GNPDA1: variants seen among roughly 807,000 people sequenced by gnomAD.
The protein encoded by GNPDA1 is glucosamine-6-phosphate deaminase 1.
In GNPDA1, 24 loss-of-function variants were observed where a neutral mutation model predicts 28.5. That is an observed-to-expected ratio of 0.84 (90% CI 0.61 to 1.19). The LOEUF is 1.19. Ranked by LOEUF, GNPDA1 falls within the 50% of genes most tolerant of loss-of-function variation. The pLI, the probability that GNPDA1 is intolerant of heterozygous loss-of-function variation, is 0.00. For synonymous variants in GNPDA1, 147 were observed against 139.3 expected (o/e 1.06, Z -0.39); for missense variants, 264 against 367.3 (o/e 0.72, Z 2.30).
Position 142,002,054 on chromosome 5 carries a change from G to A in GNPDA1, c.845C>T (p.Ser282Phe). Residue 282 changes from serine to phenylalanine, a missense_variant, in exon 7 of 7, where the codon TCT (serine) becomes TTT (phenylalanine). Transcript: ENST00000311337. ...IKEKETEKSQ[S>F]SKKPYSD ...CTAATCGCTGTATGGTTTCTTCGAA[G>A]ATTGGCTTTTCTCAGTTTCTTTCTC... 1 of 1,595,730 alleles carries A rather than the reference G, an allele frequency of 6.3e-7. No individual in the cohort carries two copies.
Position 142,004,969 on chromosome 5 carries a change from A to C in GNPDA1, c.557T>G (p.Leu186Trp). 1 of 1,611,644 alleles carries C rather than the reference A, an allele frequency of 6.2e-7. No individual in the cohort carries two copies. The highest frequency in any genetic ancestry group is 8.5e-7 in the Non-Finnish European group (1 of 1,177,972). ...GELTKVPTMA[L>W]TVGVGTVMDA... is the part of the protein sequence containing the mutation. ...CATGACAGTGCCCACCCCCACCGTC[A>C]AGGCCATGGTGGGCACCTTGGTGAG... The change falls in exon 5 of 7, where the codon TTG becomes TGG. Residue 186 changes from leucine to tryptophan, a missense_variant. Leu to Trp is a moderately conservative substitution (Grantham distance 61). Transcript: ENST00000311337.
intron 2 of GNPDA1, among the ~76,000 whole-genome samples, chr5:142,011,234 CAAAA>C (rs35952167): frequency 4.3e-5 from 5 of 115,574 alleles, no homozygotes; most frequent in Middle Eastern, 4.9e-3. Flanking sequence ...CAAGGAAGAC[CAAAA>C]AAAAAAAAAA....
chr5:142,002,946 GT>G lies in GNPDA1; in HGVS notation c.769+141del, dbSNP rs1333616891. 7 of 639,662 alleles carry G rather than the reference GT, an allele frequency of 1.1e-5. No individual in the cohort carries two copies. The African/African-American group carries it at 1.3e-4, about 12-fold the overall frequency. The allele number at this position is 639,662 out of a possible 1,614,324, so 39.6% of individuals were successfully genotyped here. On this transcript the variant is annotated intron_variant, in intron 6 of 6. Transcript: ENST00000311337. ...TCACAGGCAGAAGAGAAATGACTGT[GT>G]AGTGTGATGCAGTTGGGTTTGATAT...
intron 1 of GNPDA1, 65 bp from the exon 2 acceptor site, chr5:142,012,106 G>A: frequency 6.7e-7 from 1 of 1,489,624 alleles, no homozygotes; most frequent in South Asian, 1.2e-5. Flanking sequence ...AGAGATGGAG[G>A]TGGTGGGAGA....
rs535633678 is a variant in GNPDA1 at position 142,004,279 on chromosome 5, A to G, written c.594+653T>C. Among the ~76,000 whole-genome samples the G allele has an allele frequency of 5.9e-5, 9 of 152,336 alleles. No individual in the cohort carries two copies. The South Asian group carries it at 1.9e-3, about 32-fold the overall frequency. On this transcript the variant is annotated intron_variant, in intron 5 of 6. Coordinates refer to ENST00000311337, the MANE Select transcript of GNPDA1 (RefSeq NM_005471.5). ...CACAAAAGTTCACTTTAAACAGGGA[A>G]GTTTTCACTGATTTAGATGCTTGTT...
chr5:142,001,746 T>G lies in GNPDA1; in HGVS notation c.*283A>C, dbSNP rs1353256176. Reference sequence around the variant, plus strand: ...GTGTGTCATATGTGTGAACCATGGCTGAAGCAGAACAAAAAGTTTAAAACT... The same window carrying G: ...GTGTGTCATATGTGTGAACCATGGCGGAAGCAGAACAAAAAGTTTAAAACT... On this transcript the variant is annotated 3_prime_UTR_variant, in exon 7 of 7. Coordinates refer to ENST00000311337, the MANE Select transcript of GNPDA1 (RefSeq NM_005471.5). 1 of 273,534 alleles carries G rather than the reference T, an allele frequency of 3.7e-6. No homozygotes were observed. The highest frequency in any genetic ancestry group is 2.2e-5 in the African/African-American group (1 of 44,654). 16.9% of individuals were successfully genotyped at this position (273,534 alleles called of 1,614,324 possible). A position where few individuals can be genotyped will look rare whatever the true frequency, so the allele number is the denominator to read the frequency against.
intron 2 of GNPDA1, 102 bp downstream of exon 2, chr5:142,011,810 A>C (rs768007898): frequency 1.2e-4 from 154 of 1,330,964 alleles, no homozygotes; most frequent in Non-Finnish European, 1.5e-4. Context: ...AGTACCCCAG[A>C]GCCCCCGTGA....
intron 2 of GNPDA1, 40 bp downstream of exon 2, chr5:142,011,872 C>A: frequency 6.2e-7 from 1 of 1,612,204 alleles, no homozygotes; most frequent in Non-Finnish European, 8.5e-7. Flanking sequence ...CCTACTCTCT[C>A]CACCCTTATC....
Position 142,012,027 on chromosome 5 carries a change from G to A in GNPDA1, c.9C>T (p.Leu3=), listed in dbSNP as rs1468863807. Residue 3 remains leucine, a synonymous_variant, in exon 2 of 7, where the codon CTC becomes CTT. Transcript: ENST00000311337. MK[L]IILEHYSQAS... is the part of the protein sequence containing the mutation. ...CCTGAGAATAGTGCTCCAGGATGAT[G>A]AGCTTCATCTTGTCCTGCAGTGGGG... The A allele has an allele frequency of 6.3e-7, 1 of 1,599,686 alleles. No individual in the cohort carries two copies. The highest frequency in any genetic ancestry group is 2.2e-5 in the East Asian group (1 of 44,492).
chr5:142,012,142 C>A, intron 1 of GNPDA1, 101 bp from the exon 2 acceptor site: 1 of 1,242,606 alleles, frequency 8.0e-7, no homozygotes, highest in Non-Finnish European at 1.1e-6. Context: ...GCAACAATCC[C>A]CTTCCCAAGC....
At chr5:142,004,597 A>T (rs922712142) in intron 5 of GNPDA1, among the ~76,000 whole-genome samples, 10 of 152,238 alleles carry the variant, frequency 6.6e-5, no homozygotes, top group African/African-American at 2.4e-4. Context: ...CCCTCTCTCC[A>T]TACCTGGTCA....
At position 142,004,903 on chromosome 5, in the gene GNPDA1, G is replaced by A. The variant is rs368357115; in HGVS notation, c.594+29C>T. On this transcript the variant is annotated intron_variant, in intron 5 of 6. Transcript: ENST00000311337. ...ACAAGAGAAAGACAAGTCCACCAGC[G>A]CAAGCTGGTGGGGCCCTTATGCCCT... 4.0e-5 allele frequency: 59 copies of A among 1,471,832 alleles called. No individual in the cohort carries two copies. The African/African-American group carries it at 5.7e-4, about 14-fold the overall frequency. 91.2% of individuals were successfully genotyped at this position (1,471,832 alleles called of 1,614,324 possible).
At chr5:142,007,671 A>T in intron 3 of GNPDA1, 128 bp downstream of exon 3, 1 of 669,664 alleles carries the variant, frequency 1.5e-6, no homozygotes, top group Non-Finnish European at 2.7e-6. Flanking sequence ...ACCAAGAGGT[A>T]AGTATTGATA....
chr5:142,009,851 G>T (rs1477810012), intron 2 of GNPDA1, among the ~76,000 whole-genome samples: 1 of 152,180 alleles, frequency 6.6e-6, no homozygotes, highest in Admixed American at 6.5e-5. Context: ...AGGAACCCGT[G>T]TGGAAACGCT....
At chr5:142,004,324 A>G (rs1561570901) in intron 5 of GNPDA1, among the ~76,000 whole-genome samples, 1 of 152,264 alleles carries the variant, frequency 6.6e-6, no homozygotes, top group Non-Finnish European at 1.5e-5. Flanking sequence ...GGGCAAAGAA[A>G]TGTAAATCTA....
At chr5:142,010,585 A>G (rs1405160794) in intron 2 of GNPDA1, among the ~76,000 whole-genome samples, 1 of 148,752 alleles carries the variant, frequency 6.7e-6, no homozygotes, top group Non-Finnish European at 1.5e-5. Flanking sequence ...ATCATGGTTC[A>G]CTGCCTCGAC....
At chr5:142,010,400 C>T (rs190138104) in intron 2 of GNPDA1, among the ~76,000 whole-genome samples, 14 of 152,272 alleles carry the variant, frequency 9.2e-5, no homozygotes, top group African/African-American at 2.4e-4. Context: ...TTCAAATGAT[C>T]GACCCACCTC....
At chr5:142,010,307 C>T (rs909199015) in intron 2 of GNPDA1, among the ~76,000 whole-genome samples, 5 of 152,008 alleles carry the variant, frequency 3.3e-5, no homozygotes, top group Non-Finnish European at 4.4e-5. Flanking sequence ...TATAGGTGCC[C>T]GCCACCATGC....
At position 142,011,967 on chromosome 5, in the gene GNPDA1, G is replaced by A. The variant is rs164080; in HGVS notation, c.69C>T (p.Arg23=). 0.47 allele frequency: 754,978 copies of A among 1,612,264 alleles called. 179,301 individuals carry two copies. Among genetic ancestry groups the A allele is most frequent in the African/African-American group, 0.63 (47,025 of 74,856 alleles). Residue 23 remains arginine, a synonymous_variant, in exon 2 of 7, where the codon CGC becomes CGT. Transcript: ENST00000311337. ...SEWAAKYIRN[R]IIQFNPGPEK... ...CTGGCCCTGGGTTAAACTGGATGAT[G>A]CGGTTCCTGATGTATTTAGCCGCCC...
Sources: allele counts gnomAD v4.1 joint callset (sites outside exome capture counted in the v4.1 genomes callset), GRCh38; gene constraint gnomAD v4.1.1; transcripts MANE v1.5; gene names NCBI Gene and HGNC (gene_info 2026-07-23, HGNC 2026-07-21).